The following PDZD2 variants were observed in gnomAD, a reference collection of about 807,000 sequenced individuals.
PDZD2 encodes PDZ domain-containing protein 2.
A neutral mutation model predicts 220.7 loss-of-function variants in PDZD2; 90 were observed. That is an observed-to-expected ratio of 0.41 (90% CI 0.34 to 0.49). The LOEUF is 0.49. Ranked by LOEUF, PDZD2 falls within the 20% of genes least tolerant of loss-of-function variation. The pLI is 0.28. For synonymous variants in PDZD2, 1,375 were observed against 1,450.5 expected (o/e 0.95, Z 1.18); for missense variants, 3,174 against 3,608.5 (o/e 0.88, Z 3.08).
intron 1 of PDZD2, among the ~76,000 whole-genome samples, chr5:31,749,670 C>T (rs951354032): frequency 1.3e-5 from 2 of 152,174 alleles, no homozygotes; most frequent in East Asian, 3.9e-4. Context: ...GATCTGCCTG[C>T]CTTGGCCTCC....
chr5:31,740,126 C>G (rs557511762), intron 1 of PDZD2, among the ~76,000 whole-genome samples: 1 of 152,210 alleles, frequency 6.6e-6, no homozygotes, highest in African/African-American at 2.4e-5. Flanking sequence ...TGTGCTTTGT[C>G]TTCAGGATTG....
At position 32,053,852 on chromosome 5, in the gene PDZD2, A is replaced by T; in HGVS notation, c.1869A>T (p.Gly623=). 2.5e-6 allele frequency: 4 copies of T among 1,610,398 alleles called. No individual in the cohort carries two copies. The highest frequency in any genetic ancestry group is 3.4e-6 in the Non-Finnish European group (4 of 1,176,618). ...GIFVKTIFPN[G]SAAEDGRLKE... ...TTGTCAAGACCATCTTCCCAAATGG[A>T]TCAGCTGCAGAGGACGGAAGACTTA... The change falls in exon 10 of 25, where the codon GGA becomes GGT. Residue 623 remains glycine (G), a synonymous_variant. Coordinates refer to ENST00000438447, the MANE Select transcript of PDZD2 (RefSeq NM_178140.4).
At position 31,664,259 on chromosome 5, in the gene PDZD2, T is replaced by C. The variant is rs371099683; in HGVS notation, c.-361+24822T>C. On this transcript the variant is annotated intron_variant, in intron 1 of 24. Transcript: ENST00000438447. Reference sequence around the variant, plus strand: ...CTCAAGCAGTCCTCCCACCTCAGCCTCCTGAGTAGTCAGGATTACCGACAC... The same window carrying C: ...CTCAAGCAGTCCTCCCACCTCAGCCCCCTGAGTAGTCAGGATTACCGACAC... 2.0e-5 allele frequency among the ~76,000 whole-genome samples: 3 copies of C among 152,104 alleles called. No homozygotes were observed. The East Asian group carries it at 5.8e-4, about 29-fold the overall frequency.
chr5:31,673,552 T>A (rs149247684), intron 1 of PDZD2, among the ~76,000 whole-genome samples: 1,542 of 152,260 alleles, frequency 0.01, 21 homozygotes, highest in African/African-American at 0.035. Flanking sequence ...ACTGAATGAT[T>A]TTGTCCCCCA....
chr5:32,101,857 A>C (rs1367817492), intron 24 of PDZD2, among the ~76,000 whole-genome samples: 1 of 152,232 alleles, frequency 6.6e-6, no homozygotes, highest in Admixed American at 6.5e-5. Flanking sequence ...TTAACTCATA[A>C]TTGTACTAAT....
Position 31,983,588 on chromosome 5 carries a change from A to G in PDZD2, c.910A>G (p.Ser304Gly). 2 of 1,614,238 alleles carry G rather than the reference A, an allele frequency of 1.2e-6. No individual in the cohort carries two copies. Among genetic ancestry groups the G allele is most frequent in the East Asian group, 4.5e-5 (2 of 44,886 alleles). Residue 304 changes from serine (S) to glycine (G), a missense_variant, in exon 3 of 25, where the codon AGC becomes GGC. Physicochemically the swap from Ser to Gly is moderately conservative, Grantham distance 56 (BLOSUM62 0). This residue lies in a region of PDZD2 where 632 missense variants were observed against 708.1 expected (regional missense o/e 0.89). Coordinates refer to ENST00000438447, the MANE Select transcript of PDZD2 (RefSeq NM_178140.4). ...IPKTDAPLTT[S>G]NDKRRFSKGG... ...AAAGACAGATGCTCCTCTGACCACAAGCAATGACAAACGCCGCTTCTCAAA... is the reference window on the plus strand; with the variant it reads ...AAAGACAGATGCTCCTCTGACCACAGGCAATGACAAACGCCGCTTCTCAAA...
Position 32,101,258 on chromosome 5 carries a change from C to CA in PDZD2, c.8353+20dup, listed in dbSNP as rs773587935. 1.3e-6 allele frequency: 2 copies of CA among 1,566,512 alleles called. No homozygotes were observed. The highest frequency in any genetic ancestry group is 2.7e-5 in the African/African-American group (2 of 73,620). On this transcript the variant is annotated intron_variant, in intron 24 of 24. Transcript: ENST00000438447. ...TACAAAGGTAATGTTCTAGACAACTCAGTCAGCCTTCTCTCACCTGTCATT... is the reference window on the plus strand; with the variant it reads ...TACAAAGGTAATGTTCTAGACAACTCAAGTCAGCCTTCTCTCACCTGTCATT...
At chr5:31,715,988 G>A (rs1748422143) in intron 1 of PDZD2, among the ~76,000 whole-genome samples, 1 of 152,176 alleles carries the variant, frequency 6.6e-6, no homozygotes. Context: ...AGGGTATATG[G>A]AGAAGGCCCC....
At chr5:31,664,709 A>G (rs1382188308) in intron 1 of PDZD2, 1 of 152,170 alleles carries the variant, frequency 6.6e-6, no homozygotes, top group Non-Finnish European at 1.5e-5. Flanking sequence ...AGGAAAGAAA[A>G]AGTCCTCAAG....
chr5:32,087,375 G>A lies in PDZD2; in HGVS notation c.3927G>A (p.Ser1309=), dbSNP rs377229414. Residue 1309 remains serine (S), a synonymous_variant, in exon 20 of 25, where the codon TCG becomes TCA. Transcript: ENST00000438447. The surrounding 1 kb of genome is among the most constrained non-coding windows in gnomAD (Gnocchi z 4.0). ...ACTACAGCAAGACTCGATCAGCATC[G>A]GAAACCAGCACACCCCACAATACCA... ...PPDYSKTRSA[S]ETSTPHNTRR... is the part of the protein sequence containing the mutation. 120 of 1,614,046 alleles carry A rather than the reference G, an allele frequency of 7.4e-5. No homozygotes were observed. Among genetic ancestry groups the A allele is most frequent in the Admixed American group, 4.7e-4 (28 of 60,026 alleles).
rs148098128 is a variant in PDZD2 at position 31,984,061 on chromosome 5, A to T, written c.978+405A>T. Among the ~76,000 whole-genome samples the T allele has an allele frequency of 3.6e-4, 55 of 152,344 alleles. 1 individual carries two copies. The East Asian group carries it at 8.7e-3, about 24-fold the overall frequency. ...GCTGCTGCAAGGCCAAGAATTCCTGATGGCAGCTGACACCACAAACATCTA... is the reference window on the plus strand; with the variant it reads ...GCTGCTGCAAGGCCAAGAATTCCTGTTGGCAGCTGACACCACAAACATCTA... On this transcript the variant is annotated intron_variant, in intron 3 of 24. Coordinates refer to ENST00000438447, the MANE Select transcript of PDZD2 (RefSeq NM_178140.4).
At chr5:31,931,548 AGAG>A (rs1335389104) in intron 2 of PDZD2, among the ~76,000 whole-genome samples, 5 of 152,086 alleles carry the variant, frequency 3.3e-5, no homozygotes, top group Non-Finnish European at 7.4e-5. Flanking sequence ...TGAGCTCAGA[AGAG>A]AGATGGAGAT....
At chr5:31,707,370 G>C (rs1245393381) in intron 1 of PDZD2, among the ~76,000 whole-genome samples, 1 of 152,022 alleles carries the variant, frequency 6.6e-6, no homozygotes, top group Non-Finnish European at 1.5e-5. Flanking sequence ...CTTAGAAGAA[G>C]AGGTAGAGAA....
rs552228148 is a variant in PDZD2, at chr5:32,049,192, T to TA, written c.1665+509dup. ...CTGCACTAGCTGCTCAAGTTGATGT[T>TA]ACAGAACCTGCTCCCGTCTGAGATC... On this transcript the variant is annotated intron_variant, in intron 8 of 24. Transcript: ENST00000438447. Among the ~76,000 whole-genome samples the TA allele has an allele frequency of 3.5e-4, 53 of 152,216 alleles. 1 individual carries two copies. In the East Asian group the frequency reaches 4.6e-3, roughly 13 times the overall value.
At chr5:31,805,354 G>A (rs1388113625) in intron 2 of PDZD2, among the ~76,000 whole-genome samples, 1 of 152,196 alleles carries the variant, frequency 6.6e-6, no homozygotes, top group African/African-American at 2.4e-5. Flanking sequence ...TTCAGTCTTT[G>A]TGACTGACTG....
At chr5:32,080,989 T>C (rs1382082872) in intron 19 of PDZD2, among the ~76,000 whole-genome samples, 1 of 151,626 alleles carries the variant, frequency 6.6e-6, no homozygotes, top group Non-Finnish European at 1.5e-5. Flanking sequence ...AATACCTAGG[T>C]CACGGGTTGA....
intron 2 of PDZD2, among the ~76,000 whole-genome samples, chr5:31,885,758 C>T (rs1170106447): frequency 2.6e-5 from 4 of 151,780 alleles, no homozygotes; most frequent in South Asian, 4.2e-4. Flanking sequence ...TTTTTCTATA[C>T]GAATATAGCA....
chr5:31,965,151 A>C lies in PDZD2; in HGVS notation c.477-18004A>C, dbSNP rs148314058. On this transcript the variant is annotated intron_variant, in intron 2 of 24. Coordinates refer to ENST00000438447, the MANE Select transcript of PDZD2 (RefSeq NM_178140.4). Reference sequence around the variant, plus strand: ...GGACACACGTGGAGTGGTTTTAAGGAGTGGTAGAGAGTTTAATAAGCAAGA... The same window carrying C: ...GGACACACGTGGAGTGGTTTTAAGGCGTGGTAGAGAGTTTAATAAGCAAGA... Among the ~76,000 whole-genome samples the C allele has an allele frequency of 3.1e-3, 478 of 152,300 alleles. 3 individuals are homozygous for C. Among genetic ancestry groups the C allele is most frequent in the African/African-American group, 0.011 (457 of 41,568 alleles).
intron 1 of PDZD2, among the ~76,000 whole-genome samples, chr5:31,685,375 A>G (rs544993300): frequency 6.6e-6 from 1 of 152,312 alleles, no homozygotes; most frequent in African/African-American, 2.4e-5. Context: ...CAGGTTTTTT[A>G]AAAGAACTTT....
Sources: allele counts gnomAD v4.1 joint callset (sites outside exome capture counted in the v4.1 genomes callset), GRCh38; gene constraint gnomAD v4.1.1; regional missense constraint gnomAD v4.1.1; non-coding constraint Gnocchi (gnomAD v3.1); transcripts MANE v1.5; gene names NCBI Gene and HGNC (gene_info 2026-07-23, HGNC 2026-07-21).